GFRA2: variants seen among roughly 807,000 people sequenced by gnomAD.
GFRA2 encodes GDNF family receptor alpha 2, also known as GDNF family receptor alpha-2.
In GFRA2, 17 loss-of-function variants were observed where a neutral mutation model predicts 48.3. That is an observed-to-expected ratio of 0.35 (90% CI 0.24 to 0.53). The LOEUF (loss-of-function observed/expected upper bound fraction) is 0.53. Among genes scored for constraint, GFRA2 ranks in the 20% least tolerant of loss-of-function variants. GFRA2 has a pLI of 0.93. For synonymous variants in GFRA2, 305 were observed against 257.2 expected, an observed-to-expected ratio of 1.19 and a Z score of -1.78; for missense variants, 660 against 637.3, an observed-to-expected ratio of 1.04 and a Z score of -0.38.
At chr8:21,791,050 C>G (rs1157436623), upstream of GFRA2, among the ~76,000 whole-genome samples, 1 of 152,162 alleles carries the variant, frequency 6.6e-6, no homozygotes, top group Non-Finnish European at 1.5e-5. Flanking sequence ...AGGCCTTCCC[C>G]CTTCCAAGGA....
At chr8:21,696,962 A>G (rs1324760401) in intron 7 of GFRA2, among the ~76,000 whole-genome samples, 2 of 114,616 alleles carry the variant, frequency 1.7e-5, no homozygotes, top group Non-Finnish European at 3.6e-5. Flanking sequence ...GACAGAGGAA[A>G]GGGGAAGGGA....
chr8:21,802,939 C>T (rs1385750466), intron 2 of GFRA2, among the ~76,000 whole-genome samples: 2 of 152,130 alleles, frequency 1.3e-5, no homozygotes, highest in African/African-American at 4.8e-5. Flanking sequence ...CTATAATAGG[C>T]TGTGGGGATT....
At chr8:21,702,698 C>G in intron 7 of GFRA2, 107 bp downstream of exon 7, 1 of 1,151,368 alleles carries the variant, frequency 8.7e-7, no homozygotes, top group Non-Finnish European at 1.2e-6. Flanking sequence ...CCTCTTGGGT[C>G]CCTGATCCAA....
chr8:21,777,590 C>G (rs1156728369), intron 2 of GFRA2, among the ~76,000 whole-genome samples: 1 of 152,204 alleles, frequency 6.6e-6, no homozygotes, highest in Non-Finnish European at 1.5e-5. Flanking sequence ...TCTTCACCTT[C>G]GGACCAAAGA....
chr8:21,694,272 G>C (rs376737157), intron 8 of GFRA2, among the ~76,000 whole-genome samples, 192 bp downstream of exon 8: 45 of 151,758 alleles, frequency 3.0e-4, no homozygotes, highest in African/African-American at 9.4e-4. Flanking sequence ...GAGAGAGCCA[G>C]GGGCCCTGGA....
intron 7 of GFRA2, among the ~76,000 whole-genome samples, chr8:21,696,762 G>C (rs1802196771): frequency 6.6e-6 from 1 of 152,072 alleles, no homozygotes; most frequent in South Asian, 2.1e-4. Context: ...AGAGTGGAGG[G>C]GACACTGGCA....
At chr8:21,738,394 G>T (rs1028229070) in intron 4 of GFRA2, among the ~76,000 whole-genome samples, 1 of 151,396 alleles carries the variant, frequency 6.6e-6, no homozygotes, top group African/African-American at 2.4e-5. Flanking sequence ...TCTGCCCTCT[G>T]CCTTGGTCCT....
chr8:21,704,670 G>C (rs904366498), intron 6 of GFRA2, among the ~76,000 whole-genome samples: 1 of 152,192 alleles, frequency 6.6e-6, no homozygotes, highest in African/African-American at 2.4e-5. Context: ...AGACATGACA[G>C]ATGCCAGCGA....
chr8:21,747,986 T>C lies in GFRA2; in HGVS notation c.794+2602A>G, dbSNP rs955491515. Among the ~76,000 whole-genome samples the C allele has an allele frequency of 3.9e-5, 6 of 152,188 alleles. No individual in the cohort carries two copies. In the East Asian group the frequency reaches 5.8e-4, roughly 15 times the overall value. Reference sequence around the variant, plus strand: ...CTCCCTTAAGCACTGGTGTTTCCAGTAGATTTCTGCCTCCACCGTTCGCTC... The same window carrying C: ...CTCCCTTAAGCACTGGTGTTTCCAGCAGATTTCTGCCTCCACCGTTCGCTC... On this transcript the variant is annotated intron_variant, in intron 4 of 8. Coordinates refer to ENST00000524240, the MANE Select transcript of GFRA2 (RefSeq NM_001495.5).
intron 4 of GFRA2, among the ~76,000 whole-genome samples, chr8:21,735,349 T>C (rs1189639183): frequency 2.6e-5 from 4 of 151,892 alleles, no homozygotes; most frequent in African/African-American, 9.7e-5. Context: ...CGTGAAGGTG[T>C]AGAAAGATGT....
intron 7 of GFRA2, among the ~76,000 whole-genome samples, chr8:21,695,124 C>T (rs757984308): frequency 2.6e-5 from 4 of 152,182 alleles, no homozygotes; most frequent in African/African-American, 9.7e-5. Context: ...CTGTCCTACA[C>T]GGATGTGCAC....
chr8:21,777,328 G>C (rs1806756054), intron 2 of GFRA2, among the ~76,000 whole-genome samples: 1 of 151,956 alleles, frequency 6.6e-6, no homozygotes, highest in African/African-American at 2.4e-5. Context: ...GGGGTGGTGT[G>C]GGGGCCTGTC....
chr8:21,749,489 C>T (rs1805169911), intron 4 of GFRA2, among the ~76,000 whole-genome samples: 1 of 151,482 alleles, frequency 6.6e-6, no homozygotes, highest in Non-Finnish European at 1.5e-5. Context: ...GACCGTCCGA[C>T]TCCAGGACCC....
chr8:21,776,037 G>GTGTGTTGTGTGTGTA lies in GFRA2; in HGVS notation c.356-983_356-982insTACACACACAACACA, dbSNP rs549952048. Among the ~76,000 whole-genome samples the GTGTGTTGTGTGTGTA allele has an allele frequency of 1.5e-3, 212 of 139,894 alleles. 2 individuals carry two copies. The highest frequency in any genetic ancestry group is 5.5e-3 in the African/African-American group (205 of 37,468). The allele number at this position is 139,894 out of a possible 152,430, so 91.8% of individuals were successfully genotyped here. A position where few individuals can be genotyped will look rare whatever the true frequency, so the allele number is the denominator to read the frequency against. On this transcript the variant is annotated intron_variant, in intron 2 of 8. Transcript: ENST00000524240. ...TGTGTGTGTGTGTGTGTGTGTGTGT[G>GTGTGTTGTGTGTGTA]TGTAGTGAAAAGCAGGGCACAGCCT...
chr8:21,701,125 G>T (rs898438681), intron 7 of GFRA2, among the ~76,000 whole-genome samples: 3 of 152,198 alleles, frequency 2.0e-5, no homozygotes, highest in Non-Finnish European at 2.9e-5. Flanking sequence ...CCGGGCGCGG[G>T]GGCTCACGCC....
chr8:21,713,697 T>G (rs2117410217), intron 4 of GFRA2, among the ~76,000 whole-genome samples: 1 of 152,160 alleles, frequency 6.6e-6, no homozygotes, highest in Non-Finnish European at 1.5e-5. Flanking sequence ...GAAATATAGA[T>G]TCTCTAGCTC....
chr8:21,790,102 C>A (rs370087340), upstream of GFRA2: 60 of 985,236 alleles, frequency 6.1e-5, no homozygotes, highest in African/African-American at 8.0e-4. Context: ...TTACAATAAA[C>A]GCCCAGAAGG....
chr8:21,741,071 A>G (rs890387356), intron 4 of GFRA2, among the ~76,000 whole-genome samples: 4 of 152,056 alleles, frequency 2.6e-5, no homozygotes, highest in Admixed American at 2.0e-4. Context: ...AATTCTCCAC[A>G]CAGCAGCCAG....
intron 3 of GFRA2, among the ~76,000 whole-genome samples, chr8:21,763,492 A>G (rs1256516012): frequency 6.6e-6 from 1 of 152,054 alleles, no homozygotes; most frequent in Non-Finnish European, 1.5e-5. Flanking sequence ...CCATTCCTAG[A>G]GGCTTCCACT....
Sources: allele counts gnomAD v4.1 joint callset (sites outside exome capture counted in the v4.1 genomes callset), GRCh38; gene constraint gnomAD v4.1.1; transcripts MANE v1.5; gene names NCBI Gene and HGNC (gene_info 2026-07-23, HGNC 2026-07-21).